PCDHGA5: variants seen among roughly 807,000 people sequenced by gnomAD.
The protein encoded by PCDHGA5 is protocadherin gamma-A5.
Under a neutral mutation model 56.7 loss-of-function variants are expected in PCDHGA5, and 36 were observed. That is an observed-to-expected ratio of 0.64 (90% CI 0.49 to 0.84). The LOEUF is 0.84. Ranked by LOEUF, PCDHGA5 falls within the 40% of genes least tolerant of loss-of-function variation. The probability of loss-of-function intolerance (pLI) is 0.00; values close to 1 mark genes in which losing one functional copy is unlikely to be tolerated. For missense variants in PCDHGA5, 1,305 were observed against 1,201.5 expected (o/e 1.09, Z -1.27); for synonymous variants, 563 against 520.2 (o/e 1.08, Z -1.12).
At chr5:141,469,893 A>G (rs2099214569) in intron 1 of PCDHGA5, among the ~76,000 whole-genome samples, 1 of 152,200 alleles carries the variant, frequency 6.6e-6, no homozygotes, top group South Asian at 2.1e-4. Context: ...CACTTTGGGA[A>G]GCCGAGGCAG....
chr5:141,476,230 G>A lies in PCDHGA5; in HGVS notation c.2422-18577G>A, dbSNP rs906283645. On this transcript the variant is annotated intron_variant, in intron 1 of 3. Coordinates refer to ENST00000518069, the MANE Select transcript of PCDHGA5 (RefSeq NM_018918.3). This position sits in a 1 kb window ranked among gnomAD's most constrained non-coding sequence, Gnocchi z 7.6. Reference sequence around the variant, plus strand: ...CCACGGTCATTCACTATGAGATCCCGGAGGAAAGAGAGAAGGGTTTCGCTG... The same window carrying A: ...CCACGGTCATTCACTATGAGATCCCAGAGGAAAGAGAGAAGGGTTTCGCTG... The A allele has an allele frequency of 1.2e-6, 2 of 1,614,040 alleles. No homozygotes were observed. Among genetic ancestry groups the A allele is most frequent in the Non-Finnish European group, 1.7e-6 (2 of 1,180,024 alleles).
chr5:141,449,537 C>T (rs1377909573), intron 1 of PCDHGA5, among the ~76,000 whole-genome samples: 1 of 146,330 alleles, frequency 6.8e-6, no homozygotes, highest in Non-Finnish European at 1.5e-5. Flanking sequence ...TGCAGTGAGC[C>T]GAGATCGCAC....
Position 141,366,560 on chromosome 5 carries a change from G to A in PCDHGA5, c.2230G>A (p.Asp744Asn), listed in dbSNP as rs1441467698. Reference protein sequence around the residue: ...GVPASHFVGVDGVRAFLQTYS... With the variant: ...GVPASHFVGVNGVRAFLQTYS... The stretch of plus-strand genomic sequence containing the variant: ...GCCCGCCTCGCACTTTGTGGGCGTG[G>A]ATGGGGTTCGGGCTTTCCTGCAGAC... The change falls in exon 1 of 4, where the codon GAT (aspartate) becomes AAT (asparagine). Residue 744 changes from aspartate (D) to asparagine (N), a missense_variant. Coordinates refer to ENST00000518069, the MANE Select transcript of PCDHGA5 (RefSeq NM_018918.3). 1.2e-6 allele frequency: 2 copies of A among 1,614,132 alleles called. No homozygotes were observed. Among genetic ancestry groups the A allele is most frequent in the Non-Finnish European group, 1.7e-6 (2 of 1,180,064 alleles).
chr5:141,415,783 A>G, intron 1 of PCDHGA5: 1 of 1,344,604 alleles, frequency 7.4e-7, no homozygotes, highest in Non-Finnish European at 9.5e-7. Context: ...ACTTTCTGGT[A>G]AAATTCACCT....
Position 141,491,910 on chromosome 5 carries a change from G to A in PCDHGA5, c.2422-2897G>A, listed in dbSNP as rs946745903. 1.4e-5 allele frequency: 19 copies of A among 1,406,944 alleles called. No individual in the cohort carries two copies. The South Asian group carries it at 2.6e-4, about 19-fold the overall frequency. 87.2% of individuals were successfully genotyped at this position (1,406,944 alleles called of 1,614,324 possible). On this transcript the variant is annotated intron_variant, in intron 1 of 3. Transcript: ENST00000518069. This position sits in a 1 kb window ranked among gnomAD's most constrained non-coding sequence, Gnocchi z 6.9. ...GGCTCCGAGCACCGGGGGTGGTGGCGACTGTGGGCGAGGGGAGGTGGGACC... is the reference window on the plus strand; with the variant it reads ...GGCTCCGAGCACCGGGGGTGGTGGCAACTGTGGGCGAGGGGAGGTGGGACC...
chr5:141,365,082 T>A lies in PCDHGA5; in HGVS notation c.752T>A (p.Val251Asp), dbSNP rs769625651. 5 of 1,613,852 alleles carry A rather than the reference T, an allele frequency of 3.1e-6. No homozygotes were observed. In the South Asian group the frequency reaches 5.5e-5, roughly 18 times the overall value. Residue 251 changes from valine (V) to aspartate (D), a missense_variant, in exon 1 of 4, where the codon GTT becomes GAT. Physicochemically the swap from Val to Asp is radical, Grantham distance 152 (BLOSUM62 -3). Coordinates refer to ENST00000518069, the MANE Select transcript of PCDHGA5 (RefSeq NM_018918.3). Reference protein sequence around the residue: ...LFTPSEYSVSVPENIPVGTRL... With the variant: ...LFTPSEYSVSDPENIPVGTRL... ...ACCCCATCCGAGTACAGCGTGAGTG[T>A]TCCAGAGAACATACCTGTGGGCACT... is the stretch of plus-strand genomic sequence containing the variant.
At position 141,487,710 on chromosome 5, in the gene PCDHGA5, G is replaced by A. The variant is rs199722860; in HGVS notation, c.2422-7097G>A. ...CTAGAGAGTACTGGCCTCTCAGTAA[G>A]TGCCCATAGTGATGTCACCATTTTT... On this transcript the variant is annotated intron_variant, in intron 1 of 3. Transcript: ENST00000518069. The surrounding 1 kb of genome is among the most constrained non-coding windows in gnomAD (Gnocchi z 5.0). 3.8e-4 allele frequency: 596 copies of A among 1,586,168 alleles called. No individual in the cohort carries two copies. The highest frequency in any genetic ancestry group is 4.5e-4 in the Non-Finnish European group (529 of 1,164,386).
chr5:141,423,297 C>G lies in PCDHGA5; in HGVS notation c.2421+56546C>G, dbSNP rs1322889810. 3 of 1,614,170 alleles carry G rather than the reference C, an allele frequency of 1.9e-6. 1 individual carries two copies. The South Asian group carries it at 3.3e-5, about 18-fold the overall frequency. The stretch of plus-strand genomic sequence containing the variant: ...TGGCTAACTCTGAAACCTCAGACCT[C>G]TCGCTGTACTTGGTGGTGGCGGTGG... On this transcript the variant is annotated intron_variant, in intron 1 of 3. Transcript: ENST00000518069.
Position 141,432,538 on chromosome 5 carries a change from G to T in PCDHGA5, c.2422-62269G>T, listed in dbSNP as rs200601557. 1 of 1,613,908 alleles carries T rather than the reference G, an allele frequency of 6.2e-7. No individual in the cohort carries two copies. Among genetic ancestry groups the T allele is most frequent in the African/African-American group, 1.3e-5 (1 of 74,936 alleles). Reference sequence around the variant, plus strand: ...GCTACCTGGTGACCAAGGTGGTGGCGGTGGACAGAGACTCCGGCCAGAACG... The same window carrying T: ...GCTACCTGGTGACCAAGGTGGTGGCTGTGGACAGAGACTCCGGCCAGAACG... On this transcript the variant is annotated intron_variant, in intron 1 of 3. Coordinates refer to ENST00000518069, the MANE Select transcript of PCDHGA5 (RefSeq NM_018918.3). This position sits in a 1 kb window ranked among gnomAD's most constrained non-coding sequence, Gnocchi z 6.0.
chr5:141,364,970 G>C lies in PCDHGA5; in HGVS notation c.640G>C (p.Ala214Pro). 1.2e-6 allele frequency: 2 copies of C among 1,613,914 alleles called. No individual in the cohort carries two copies. The highest frequency in any genetic ancestry group is 1.7e-6 in the Non-Finnish European group (2 of 1,179,890). Residue 214 changes from alanine (A) to proline (P), a missense_variant, in exon 1 of 4, where the codon GCT becomes CCT. Ala to Pro is a conservative substitution (Grantham distance 27). Transcript: ENST00000518069. Reference sequence around the variant, plus strand: ...GACTGTTCACGACCTCCTCCTCACAGCTTTAGATGGCGGAGACCCGGTACT... The same window carrying C: ...GACTGTTCACGACCTCCTCCTCACACCTTTAGATGGCGGAGACCCGGTACT... Reference protein sequence around the residue: ...KETVHDLLLTALDGGDPVLSG... With the variant: ...KETVHDLLLTPLDGGDPVLSG...
chr5:141,371,143 A>G (rs199674539), intron 1 of PCDHGA5: 355 of 1,613,904 alleles, frequency 2.2e-4, no homozygotes, highest in Middle Eastern at 4.9e-4. Flanking sequence ...TACAGGGTCA[A>G]TGTTGCAGAG....
chr5:141,476,554 G>A lies in PCDHGA5; in HGVS notation c.2422-18253G>A. On this transcript the variant is annotated intron_variant, in intron 1 of 3. Transcript: ENST00000518069. This position sits in a 1 kb window ranked among gnomAD's most constrained non-coding sequence, Gnocchi z 7.6. The stretch of plus-strand genomic sequence containing the variant: ...AGGAAATGAAATTGGAGATTAGCGA[G>A]GCCGTGGCTCCGGGGACGCGCTTTC... 1 of 1,614,232 alleles carries A rather than the reference G, an allele frequency of 6.2e-7. No individual in the cohort carries two copies. Among genetic ancestry groups the A allele is most frequent in the Non-Finnish European group, 8.5e-7 (1 of 1,180,036 alleles).
At chr5:141,370,823 C>T (rs764531085) in intron 1 of PCDHGA5, 167 of 1,613,906 alleles carry the variant, frequency 1.0e-4, no homozygotes, top group Non-Finnish European at 1.2e-4. Flanking sequence ...TGGAAATCAG[C>T]GAACTGGCTC....
chr5:141,415,017 G>A lies in PCDHGA5; in HGVS notation c.2421+48266G>A, dbSNP rs1344566574. ...CCTGGCTGTCCTACCGTCTGCTCAA[G>A]GCCAGCGAGCCGGGACTCTTCGCGG... On this transcript the variant is annotated intron_variant, in intron 1 of 3. Transcript: ENST00000518069. The A allele has an allele frequency of 1.9e-6, 3 of 1,613,574 alleles. No homozygotes were observed. In the Admixed American group the frequency reaches 5.0e-5, roughly 27 times the overall value.
At chr5:141,389,313 C>A (rs1279349887) in intron 1 of PCDHGA5, 2 of 1,614,024 alleles carry the variant, frequency 1.2e-6, no homozygotes, top group Admixed American at 3.3e-5. Context: ...GGCTTCTGAT[C>A]CGGACTTGGG....
rs966319513 is a variant in PCDHGA5 at position 141,366,126 on chromosome 5, G to A, written c.1796G>A (p.Gly599Asp). 6 of 1,614,214 alleles carry A rather than the reference G, an allele frequency of 3.7e-6. No homozygotes were observed. The South Asian group carries it at 5.5e-5, about 15-fold the overall frequency. ...TKVVAVDKDSGQNAWLSYRLL... is the reference protein window; with the variant it reads ...TKVVAVDKDSDQNAWLSYRLL... Reference sequence around the variant, plus strand: ...GTGGTAGCGGTGGACAAAGATTCAGGCCAGAACGCCTGGCTGTCCTACCGC... The same window carrying A: ...GTGGTAGCGGTGGACAAAGATTCAGACCAGAACGCCTGGCTGTCCTACCGC... The change falls in exon 1 of 4, where the codon GGC (glycine) becomes GAC (aspartate). Residue 599 changes from glycine (G) to aspartate (D), a missense_variant. Gly to Asp is a moderately conservative substitution (Grantham distance 94, BLOSUM62 -1). Transcript: ENST00000518069.
chr5:141,389,581 G>C, intron 1 of PCDHGA5: 1 of 1,613,202 alleles, frequency 6.2e-7, no homozygotes, highest in East Asian at 2.2e-5. Context: ...CCCGCGCTGG[G>C]TCCCGACGGC....
Position 141,384,181 on chromosome 5 carries a change from G to A in PCDHGA5, c.2421+17430G>A, listed in dbSNP as rs765782736. ...CATCACACTGAAAGCCACAGATGGTGGAACTCCTCCCTTGTCCAGGGAAAC... is the reference window on the plus strand; with the variant it reads ...CATCACACTGAAAGCCACAGATGGTAGAACTCCTCCCTTGTCCAGGGAAAC... On this transcript the variant is annotated intron_variant, in intron 1 of 3. Coordinates refer to ENST00000518069, the MANE Select transcript of PCDHGA5 (RefSeq NM_018918.3). 18 of 1,613,702 alleles carry A rather than the reference G, an allele frequency of 1.1e-5. No homozygotes were observed. Among genetic ancestry groups the A allele is most frequent in the Non-Finnish European group, 1.4e-5 (16 of 1,179,868 alleles).
chr5:141,427,704 G>A (rs2097059746), intron 1 of PCDHGA5: 1 of 966,116 alleles, frequency 1.0e-6, no homozygotes, highest in Non-Finnish European at 1.6e-6. Flanking sequence ...ACAAGTCAGC[G>A]CCTCTGACCT....
Sources: allele counts gnomAD v4.1 joint callset (sites outside exome capture counted in the v4.1 genomes callset), GRCh38; gene constraint gnomAD v4.1.1; non-coding constraint Gnocchi (gnomAD v3.1); transcripts MANE v1.5; gene names NCBI Gene and HGNC (gene_info 2026-07-23, HGNC 2026-07-21).